The following ARR3 variants were observed in gnomAD, a reference collection of about 807,000 sequenced individuals.
ARR3 encodes the protein arrestin 3, also known as arrestin-C.
A neutral mutation model predicts 35.4 loss-of-function variants in ARR3; 14 were observed. The ratio of observed to expected loss-of-function variants is 0.40; its 90% confidence interval spans 0.26 to 0.62. The LOEUF is 0.62. Ranked by LOEUF, ARR3 falls within the 20% of genes least tolerant of loss-of-function variation. The pLI, the probability that ARR3 is intolerant of heterozygous loss-of-function variation, is 0.46. For synonymous variants in ARR3, 97 were observed against 119.1 expected, an observed-to-expected ratio of 0.81 and a Z score of 1.21; for missense variants, 259 against 303.8, an observed-to-expected ratio of 0.85 and a Z score of 1.10.
intron 11 of ARR3, 123 bp from the exon 12 acceptor site, chrX:70,278,381 A>T: frequency 1.1e-6 from 1 of 905,055 alleles, no homozygotes; most frequent in East Asian, 3.3e-5. Flanking sequence ...TCAGTTAAAC[A>T]TGTTACCTCT....
At chrX:70,281,514 A>G (rs1471318477) in intron 16 of ARR3, among the ~76,000 whole-genome samples, 162 bp from the exon 17 acceptor site, 2 of 111,345 alleles carry the variant, frequency 1.8e-5, no homozygotes, top group Non-Finnish European at 3.8e-5. Flanking sequence ...GAAACAAGCC[A>G]GAGTGGCTGA....
At chrX:70,278,385 T>G in intron 11 of ARR3, 119 bp from the exon 12 acceptor site, 2 of 916,887 alleles carry the variant, frequency 2.2e-6, no homozygotes, top group Non-Finnish European at 3.0e-6. Context: ...TTAAACATGT[T>G]ACCTCTCTTG....
At position 70,278,028 on chromosome X, in the gene ARR3, G is replaced by C. The variant is rs771790320; in HGVS notation, c.695-38G>C. 125 of 1,184,518 alleles carry C rather than the reference G, an allele frequency of 1.1e-4. No individual in the cohort carries two copies. The South Asian group carries it at 1.7e-3, about 17-fold the overall frequency. ...CTGAGCTGGGGTCTCAAGGATGACTGACTGATTATAATCATGTGCTTTTCC... is the reference window on the plus strand; with the variant it reads ...CTGAGCTGGGGTCTCAAGGATGACTCACTGATTATAATCATGTGCTTTTCC... On this transcript the variant is annotated intron_variant, in intron 10 of 16. Transcript: ENST00000307959.
chrX:70,279,672 G>A (rs1311421463), intron 12 of ARR3, among the ~76,000 whole-genome samples: 1 of 112,404 alleles, frequency 8.9e-6, no homozygotes, highest in African/African-American at 3.2e-5. Context: ...AGAGTAAATC[G>A]CAACAAAGTT....
At chrX:70,270,191 C>T in intron 5 of ARR3, 47 bp downstream of exon 5, 1 of 1,147,672 alleles carries the variant, frequency 8.7e-7, no homozygotes, top group South Asian at 1.8e-5. Context: ...GACAGGTAAC[C>T]CGATGAGTGG....
intron 4 of ARR3, 55 bp downstream of exon 4, chrX:70,269,958 TA>T: frequency 8.4e-7 from 1 of 1,183,854 alleles, no homozygotes; most frequent in Non-Finnish European, 1.1e-6. Context: ...AACTAGGGAG[TA>T]AAAGAAAGTC....
rs1344813560 is a variant in ARR3 at position 70,280,726 on chromosome X, TAG to T, written c.1014-33_1014-32del. On this transcript the variant is annotated intron_variant, in intron 14 of 16. Coordinates refer to ENST00000307959, the MANE Select transcript of ARR3 (RefSeq NM_004312.3). ...GAGGGAGGTTCAGGGATTGGGCTTGTAGAGAGAGGAGATGTAACTCCACCTTG... is the reference window on the plus strand; with the variant it reads ...GAGGGAGGTTCAGGGATTGGGCTTGTAGAGAGGAGATGTAACTCCACCTTG... 17 of 1,206,260 alleles carry T rather than the reference TAG, an allele frequency of 1.4e-5. 1 individual carries two copies. Among genetic ancestry groups the T allele is most frequent in the South Asian group, 8.8e-5 (5 of 56,619 alleles).
intron 16 of ARR3, 64 bp from the exon 17 acceptor site, chrX:70,281,612 T>A: frequency 5.2e-6 from 5 of 957,206 alleles, no homozygotes; most frequent in African/African-American, 1.9e-5. Flanking sequence ...GAAAAAAGAG[T>A]GGACACGGAG....
At chrX:70,274,528 T>C (rs2085644313) in intron 5 of ARR3, among the ~76,000 whole-genome samples, 1 of 112,658 alleles carries the variant, frequency 8.9e-6, no homozygotes, top group Non-Finnish European at 1.9e-5. Context: ...AGATTTAACC[T>C]TGTTGGCACA....
intron 1 of ARR3, among the ~76,000 whole-genome samples, chrX:70,269,146 GT>G (rs949959267): frequency 1.8e-4 from 20 of 111,289 alleles, no homozygotes; most frequent in African/African-American, 4.6e-4. Flanking sequence ...AAATAGGAAG[GT>G]TTTTTTCCCC....
intron 5 of ARR3, among the ~76,000 whole-genome samples, chrX:70,272,186 T>G (rs1309704657): frequency 9.0e-6 from 1 of 111,135 alleles, no homozygotes; most frequent in Non-Finnish European, 1.9e-5. Context: ...CTTTTTACTT[T>G]CTGTCTTTTT....
rs2085654052 is a variant in ARR3, at chrX:70,276,601, C to T, written c.406-68C>T. 6.8e-6 allele frequency: 8 copies of T among 1,172,791 alleles called. No homozygotes were observed. The South Asian group carries it at 1.4e-4, about 21-fold the overall frequency. On this transcript the variant is annotated intron_variant, in intron 7 of 16. Transcript: ENST00000307959. ...GCTAAGGAAAGAGGTCAGGCATTTT[C>T]TTATAGGCCCATGAGGAAGGGAGGA...
At chrX:70,270,838 C>T (rs1184965762) in intron 5 of ARR3, among the ~76,000 whole-genome samples, 1 of 110,292 alleles carries the variant, frequency 9.1e-6, no homozygotes, top group African/African-American at 3.3e-5. Context: ...GGAAGTAACA[C>T]TAAGAAACAT....
At chrX:70,272,393 T>C (rs758587439) in intron 5 of ARR3, among the ~76,000 whole-genome samples, 2 of 112,128 alleles carry the variant, frequency 1.8e-5, no homozygotes, top group African/African-American at 3.2e-5. Context: ...AATCTTTTGA[T>C]CTTATTTATT....
chrX:70,281,485 A>G (rs1174615168), intron 16 of ARR3, among the ~76,000 whole-genome samples, 191 bp from the exon 17 acceptor site: 1 of 110,426 alleles, frequency 9.1e-6, no homozygotes, highest in Non-Finnish European at 1.9e-5. Flanking sequence ...GTGCTGGGAA[A>G]TTTGGGCGGG....
chrX:70,281,004 G>C, intron 15 of ARR3, 95 bp from the exon 16 acceptor site: 4 of 901,646 alleles, frequency 4.4e-6, no homozygotes, highest in African/African-American at 4.2e-5. Context: ...TGGGAAGTTG[G>C]GGGGGGGGGA....
chrX:70,277,541 C>T lies in ARR3; in HGVS notation c.609+12C>T, dbSNP rs112882427. The T allele has an allele frequency of 8.3e-7, 1 of 1,205,575 alleles. No individual in the cohort carries two copies. The highest frequency in any genetic ancestry group is 1.8e-5 in the South Asian group (1 of 55,290). Reference sequence around the variant, plus strand: ...GGATGGACAGGGAGGTTTGTGACCCCCACTTTTTGCCTCCCACCCCAGAAC... The same window carrying T: ...GGATGGACAGGGAGGTTTGTGACCCTCACTTTTTGCCTCCCACCCCAGAAC... On this transcript the variant is annotated intron_variant, in intron 9 of 16. Transcript: ENST00000307959.
chrX:70,274,198 GCTTT>G (rs1407657351), intron 5 of ARR3, among the ~76,000 whole-genome samples: 1 of 97,085 alleles, frequency 1.0e-5, no homozygotes, highest in Non-Finnish European at 2.1e-5. Context: ...TTGTTCAGTA[GCTTT>G]TTTTTTTTTT....
At chrX:70,272,466 T>C (rs1243418702) in intron 5 of ARR3, among the ~76,000 whole-genome samples, 2 of 112,477 alleles carry the variant, frequency 1.8e-5, no homozygotes, top group African/African-American at 3.2e-5. Flanking sequence ...AATAATATTT[T>C]ACATTTTTTA....
Sources: allele counts gnomAD v4.1 joint callset (sites outside exome capture counted in the v4.1 genomes callset), GRCh38; gene constraint gnomAD v4.1.1; transcripts MANE v1.5; gene names NCBI Gene and HGNC (gene_info 2026-07-23, HGNC 2026-07-21).